The following FANCC variants were observed in gnomAD, a reference collection of about 807,000 sequenced individuals.
The protein encoded by FANCC is Fanconi anemia group C protein.
A neutral mutation model predicts 71.3 loss-of-function variants in FANCC; 55 were observed. The observed-to-expected ratio is 0.77, with a 90% CI of 0.62 to 0.97. The LOEUF (loss-of-function observed/expected upper bound fraction) is 0.97, where lower values mean the gene tolerates loss of function less well. FANCC is among the 50% of genes least tolerant of loss of function. The pLI is 0.00. For missense variants in FANCC, 678 were observed against 670.9 expected, an observed-to-expected ratio of 1.01 and a Z score of -0.12; for synonymous variants, 275 against 244.9, an observed-to-expected ratio of 1.12 and a Z score of -1.15.
chr9:95,155,343 A>AGGG (rs1564703121), intron 6 of FANCC, among the ~76,000 whole-genome samples: 14 of 26,394 alleles, frequency 5.3e-4, no homozygotes, highest in African/African-American at 2.7e-3. Flanking sequence ...GGAAGGGAGG[A>AGGG]AGGGAGGGAG....
intron 8 of FANCC, among the ~76,000 whole-genome samples, chr9:95,134,785 C>T (rs184909654): frequency 3.3e-5 from 5 of 152,348 alleles, no homozygotes; most frequent in Admixed American, 2.6e-4. Context: ...TGGATGTCCA[C>T]GTGGGCTGGA....
intron 7 of FANCC, among the ~76,000 whole-genome samples, chr9:95,139,262 C>T (rs1409708777): frequency 2.6e-5 from 4 of 152,160 alleles, no homozygotes; most frequent in African/African-American, 7.2e-5. Context: ...TCACCCTCTC[C>T]GTGTAGGCGC....
intron 1 of FANCC, among the ~76,000 whole-genome samples, chr9:95,282,712 G>A (rs889146821): frequency 6.6e-6 from 1 of 152,094 alleles, no homozygotes; most frequent in Admixed American, 6.5e-5. Context: ...AAATTTAAGA[G>A]TATCAAAATC....
chr9:95,245,666 G>A (rs942445663), intron 3 of FANCC, among the ~76,000 whole-genome samples: 1 of 151,868 alleles, frequency 6.6e-6, no homozygotes, highest in Admixed American at 6.5e-5. Flanking sequence ...GGAGGTCGAG[G>A]CGGGTGAATC....
At chr9:95,170,793 C>A (rs917072052) in intron 6 of FANCC, among the ~76,000 whole-genome samples, 1 of 151,914 alleles carries the variant, frequency 6.6e-6, no homozygotes, top group African/African-American at 2.4e-5. Flanking sequence ...AAGTACTGCT[C>A]TTTCTTTTAT....
chr9:95,121,992 G>A (rs1310667795), intron 10 of FANCC, among the ~76,000 whole-genome samples: 1 of 151,700 alleles, frequency 6.6e-6, no homozygotes, highest in African/African-American at 2.4e-5. Flanking sequence ...TGAGTAGCTG[G>A]GACTATAAGC....
At chr9:95,161,288 G>T (rs1830728926) in intron 6 of FANCC, among the ~76,000 whole-genome samples, 2 of 152,180 alleles carry the variant, frequency 1.3e-5, no homozygotes, top group African/African-American at 4.8e-5. Flanking sequence ...GAGGAAGGAG[G>T]CCTGGAAGGA....
intron 6 of FANCC, among the ~76,000 whole-genome samples, chr9:95,151,026 A>C (rs1166855155): frequency 1.3e-5 from 2 of 152,236 alleles, no homozygotes; most frequent in Non-Finnish European, 2.9e-5. Flanking sequence ...CAACAGCTAT[A>C]GGTGGCTGGC....
At chr9:95,256,708 G>A (rs1339162780) in intron 1 of FANCC, among the ~76,000 whole-genome samples, 8 of 151,992 alleles carry the variant, frequency 5.3e-5, no homozygotes, top group Non-Finnish European at 1.0e-4. Flanking sequence ...AAATGTAAAC[G>A]GGCTAAATGC....
intron 14 of FANCC, among the ~76,000 whole-genome samples, chr9:95,104,065 AT>A (rs1281725122): frequency 2.0e-5 from 3 of 152,090 alleles, no homozygotes; most frequent in African/African-American, 4.8e-5. Flanking sequence ...CAAAGCAACC[AT>A]CTGGCCACCA....
At chr9:95,126,833 A>G in intron 8 of FANCC, 2 of 473,226 alleles carry the variant, frequency 4.2e-6, no homozygotes, top group African/African-American at 3.9e-5. Context: ...TTTTCTATAA[A>G]AGCTCAGGCG....
chr9:95,306,653 G>C (rs1835083857), intron 1 of FANCC, among the ~76,000 whole-genome samples: 2 of 152,156 alleles, frequency 1.3e-5, no homozygotes, highest in Admixed American at 6.5e-5. Context: ...GCTAAAATCA[G>C]TTGGGTTTGG....
At chr9:95,150,694 A>G (rs531763680) in intron 6 of FANCC, among the ~76,000 whole-genome samples, 3 of 152,328 alleles carry the variant, frequency 2.0e-5, no homozygotes, top group Admixed American at 2.0e-4. Context: ...TCATGTAGAG[A>G]ATAAGCAATG....
chr9:95,272,070 G>A (rs1009935244), intron 1 of FANCC, among the ~76,000 whole-genome samples: 1 of 150,720 alleles, frequency 6.6e-6, no homozygotes, highest in African/African-American at 2.4e-5. Flanking sequence ...CCAAGTAGCT[G>A]GGACTACAGG....
At chr9:95,106,636 A>AT (rs1355533699) in intron 14 of FANCC, among the ~76,000 whole-genome samples, 1 of 152,168 alleles carries the variant, frequency 6.6e-6, no homozygotes, top group Non-Finnish European at 1.5e-5. Flanking sequence ...TAATAAACCA[A>AT]TTTTTTTAAA....
chr9:95,204,996 A>G (rs1345617767), intron 4 of FANCC, among the ~76,000 whole-genome samples: 1 of 152,276 alleles, frequency 6.6e-6, no homozygotes, highest in Admixed American at 6.5e-5. Flanking sequence ...GGCAAGAAGC[A>G]TCAGAATAGA....
intron 6 of FANCC, among the ~76,000 whole-genome samples, chr9:95,165,095 T>A (rs938058717): frequency 6.6e-6 from 1 of 152,008 alleles, no homozygotes; most frequent in Middle Eastern, 3.2e-3. Context: ...TCTCAATCTT[T>A]TTAATTTTTG....
chr9:95,266,847 GT>G (rs751342648), intron 1 of FANCC, among the ~76,000 whole-genome samples: 2 of 152,150 alleles, frequency 1.3e-5, no homozygotes, highest in Non-Finnish European at 2.9e-5. Flanking sequence ...TCAGTACTAT[GT>G]AAAACCAAGT....
intron 4 of FANCC, among the ~76,000 whole-genome samples, chr9:95,218,890 G>A (rs952060950): frequency 3.2e-4 from 48 of 152,198 alleles, no homozygotes; most frequent in Non-Finnish European, 5.9e-4. Context: ...TCAAGGATAT[G>A]CAGCAACCAA....
Sources: allele counts gnomAD v4.1 joint callset (sites outside exome capture counted in the v4.1 genomes callset), GRCh38; gene constraint gnomAD v4.1.1; transcripts MANE v1.5; gene names NCBI Gene and HGNC (gene_info 2026-07-23, HGNC 2026-07-21).